SLC41A3: variants seen among roughly 807,000 people sequenced by gnomAD.
The protein encoded by SLC41A3 is SLC41A1-like 2.
Under a neutral mutation model 45.4 loss-of-function variants are expected in SLC41A3, and 44 were observed. The ratio of observed to expected loss-of-function variants is 0.97; its 90% CI spans 0.76 to 1.25. The LOEUF is 1.25. Ranked by LOEUF, SLC41A3 falls within the 50% of genes most tolerant of loss-of-function variation. The pLI, the probability that SLC41A3 is intolerant of heterozygous loss-of-function variation, is 0.00. For synonymous variants in SLC41A3, 256 were observed against 252.4 expected, an observed-to-expected ratio of 1.01 and a Z score of -0.13; for missense variants, 550 against 600.6, an observed-to-expected ratio of 0.92 and a Z score of 0.88.
intron 8 of SLC41A3, among the ~76,000 whole-genome samples, chr3:126,014,058 T>C (rs1212240890): frequency 2.6e-5 from 4 of 152,100 alleles, no homozygotes; most frequent in Admixed American, 1.3e-4. Context: ...TGGGGGCAGA[T>C]GCGGGGGCGG....
At chr3:126,010,554 A>G (rs1228631368) in intron 9 of SLC41A3, among the ~76,000 whole-genome samples, 1 of 152,244 alleles carries the variant, frequency 6.6e-6, no homozygotes, top group Non-Finnish European at 1.5e-5. Context: ...CAACTTTCAG[A>G]CAATAACTCT....
At chr3:126,073,466 C>CA (rs1294551223) in intron 1 of SLC41A3, among the ~76,000 whole-genome samples, 4 of 151,870 alleles carry the variant, frequency 2.6e-5, no homozygotes, top group African/African-American at 9.7e-5. Flanking sequence ...AAACAAAATC[C>CA]AAAAAACTAC....
At chr3:126,011,218 A>G (rs944596891) in intron 9 of SLC41A3, among the ~76,000 whole-genome samples, 1 of 152,174 alleles carries the variant, frequency 6.6e-6, no homozygotes, top group Non-Finnish European at 1.5e-5. Flanking sequence ...AAAGAAATAG[A>G]AAGTCTCAGA....
chr3:126,018,055 A>G (rs374521820), intron 6 of SLC41A3, among the ~76,000 whole-genome samples: 5 of 152,188 alleles, frequency 3.3e-5, no homozygotes, highest in South Asian at 2.1e-4. Context: ...CACCTCCCCA[A>G]TATGCAATGC....
At chr3:126,101,502 A>G (rs1945708574) in exon 1 of SLC41A3, 1 of 152,280 alleles carries the variant, frequency 6.6e-6, no homozygotes, top group Non-Finnish European at 1.5e-5. Flanking sequence ...CATCTGCACC[A>G]GAGGTCTCCA....
intron 2 of SLC41A3, among the ~76,000 whole-genome samples, chr3:126,060,291 T>C (rs943562749): frequency 6.6e-6 from 1 of 152,118 alleles, no homozygotes; most frequent in Non-Finnish European, 1.5e-5. Context: ...TGGTGGCGCA[T>C]GCCTGTAATC....
intron 1 of SLC41A3, among the ~76,000 whole-genome samples, chr3:126,094,098 A>G (rs1423266369): frequency 6.6e-6 from 1 of 152,208 alleles, no homozygotes; most frequent in African/African-American, 2.4e-5. Context: ...TAGGGGAGAG[A>G]TTTATTACAA....
At chr3:126,052,728 C>T (rs931622765) in intron 2 of SLC41A3, among the ~76,000 whole-genome samples, 1 of 152,182 alleles carries the variant, frequency 6.6e-6, no homozygotes, top group South Asian at 2.1e-4. Context: ...GGCCTCCACC[C>T]CCAGTCCTTT....
chr3:126,031,983 C>T (rs1941829446), intron 4 of SLC41A3, among the ~76,000 whole-genome samples: 1 of 152,174 alleles, frequency 6.6e-6, no homozygotes, highest in Non-Finnish European at 1.5e-5. Flanking sequence ...GCATAAGGCA[C>T]CAAAGACGTA....
chr3:126,062,552 G>A (rs948072485), intron 2 of SLC41A3, among the ~76,000 whole-genome samples: 2 of 152,150 alleles, frequency 1.3e-5, no homozygotes, highest in African/African-American at 4.8e-5. Context: ...ACTCATTAAG[G>A]GCATACAAGT....
At chr3:126,023,719 C>T (rs2107712591) in intron 5 of SLC41A3, 1 of 152,356 alleles carries the variant, frequency 6.6e-6, no homozygotes, top group East Asian at 1.9e-4. Context: ...CGAAGTCCTC[C>T]TTCCTGTTCA....
At position 126,028,217 on chromosome 3, in the gene SLC41A3, T is replaced by TAGAG. The variant is rs1484313495; in HGVS notation, c.454-1739_454-1738insCTCT. Among the ~76,000 whole-genome samples, 93 of 152,324 alleles carry TAGAG rather than the reference T, an allele frequency of 6.1e-4. 1 individual carries two copies. Among genetic ancestry groups the TAGAG allele is most frequent in the Non-Finnish European group, 2.5e-4 (17 of 68,024 alleles). On this transcript the variant is annotated intron_variant, in intron 4 of 10. Transcript: ENST00000360370. Reference sequence around the variant, plus strand: ...CTAGAAGACATCTTAGAGACCTTATTGGCAGCCCCTCCCCTCACAGGCCCA... The same window carrying TAGAG: ...CTAGAAGACATCTTAGAGACCTTATTAGAGGGCAGCCCCTCCCCTCACAGGCCCA...
chr3:126,066,800 G>T (rs73859003), intron 2 of SLC41A3, among the ~76,000 whole-genome samples: 3 of 152,156 alleles, frequency 2.0e-5, no homozygotes, highest in African/African-American at 7.2e-5. Flanking sequence ...GAATGTGGGG[G>T]AGTTTATCTA....
intron 2 of SLC41A3, among the ~76,000 whole-genome samples, chr3:126,052,052 C>A (rs938847944): frequency 6.6e-6 from 1 of 152,214 alleles, no homozygotes; most frequent in Non-Finnish European, 1.5e-5. Context: ...TTTCTGCTCT[C>A]AGACCAAGGA....
At chr3:126,061,476 C>A (rs951095758) in intron 2 of SLC41A3, among the ~76,000 whole-genome samples, 1 of 152,200 alleles carries the variant, frequency 6.6e-6, no homozygotes, top group Non-Finnish European at 1.5e-5. Flanking sequence ...GCACACAGCC[C>A]TCATTGCTAT....
intron 1 of SLC41A3, among the ~76,000 whole-genome samples, chr3:126,075,461 C>T (rs1944837813): frequency 6.7e-6 from 1 of 149,548 alleles, no homozygotes; most frequent in Non-Finnish European, 1.5e-5. Flanking sequence ...TTTCTCCCTC[C>T]CTCCCTCCCT....
At chr3:126,012,785 T>C (rs1939857478) in intron 8 of SLC41A3, 36 bp from the exon 9 acceptor site, 3 of 1,612,102 alleles carry the variant, frequency 1.9e-6, no homozygotes, top group Admixed American at 1.7e-5. Context: ...TCCCTTTCTT[T>C]ACGCCAGTCT....
intron 4 of SLC41A3, among the ~76,000 whole-genome samples, 188 bp downstream of exon 4, chr3:126,033,419 T>C (rs1941948359): frequency 6.6e-6 from 1 of 151,884 alleles, no homozygotes. Flanking sequence ...TGGGTCTGCT[T>C]CAGGTGGGCT....
chr3:126,015,607 G>C (rs2107668824), intron 7 of SLC41A3, 34 bp from the exon 8 acceptor site: 2 of 1,606,078 alleles, frequency 1.2e-6, no homozygotes, highest in Middle Eastern at 3.3e-4. Flanking sequence ...CAAGTTATCA[G>C]AGTTTACACT....
Sources: allele counts gnomAD v4.1 joint callset (sites outside exome capture counted in the v4.1 genomes callset), GRCh38; gene constraint gnomAD v4.1.1; transcripts MANE v1.5; gene names NCBI Gene and HGNC (gene_info 2026-07-23, HGNC 2026-07-21).